FLVCR2: variants seen among roughly 807,000 people sequenced by gnomAD.
The protein encoded by FLVCR2 is choline/ethanolamine transporter FLVCR2.
In FLVCR2, 38 loss-of-function variants were observed where a neutral mutation model predicts 48.9. That is an observed-to-expected ratio of 0.78 (90% CI 0.60 to 1.02). The LOEUF (loss-of-function observed/expected upper bound fraction) is 1.02, where lower values mean the gene tolerates loss of function less well. FLVCR2 is among the 50% of genes least tolerant of loss of function. The probability of loss-of-function intolerance (pLI) is 0.00; values close to 1 mark genes in which losing one functional copy is unlikely to be tolerated. For missense variants in FLVCR2, 664 were observed against 663.3 expected, an observed-to-expected ratio of 1.00 and a Z score of -0.01; for synonymous variants, 255 against 257.0, an observed-to-expected ratio of 0.99 and a Z score of 0.07.
intron 3 of FLVCR2, among the ~76,000 whole-genome samples, chr14:75,626,105 C>T (rs911088049): frequency 4.6e-5 from 7 of 152,192 alleles, no homozygotes; most frequent in Admixed American, 6.5e-5. Flanking sequence ...AATTCTTCTG[C>T]CTCAGCCTCC....
chr14:75,626,192 A>G (rs1889896952), intron 3 of FLVCR2, among the ~76,000 whole-genome samples: 2 of 152,020 alleles, frequency 1.3e-5, no homozygotes, highest in Admixed American at 1.3e-4. Flanking sequence ...GGGTTTTGTC[A>G]TGTTGGCCAG....
At chr14:75,637,239 T>C (rs180973625) in intron 5 of FLVCR2, among the ~76,000 whole-genome samples, 1 of 152,356 alleles carries the variant, frequency 6.6e-6, no homozygotes, top group Non-Finnish European at 1.5e-5. Flanking sequence ...AGTTTCTTCA[T>C]TGGTAAAATG....
intron 4 of FLVCR2, among the ~76,000 whole-genome samples, chr14:75,634,328 C>G (rs890916778): frequency 3.3e-5 from 5 of 152,130 alleles, no homozygotes; most frequent in African/African-American, 1.2e-4. Context: ...GCCTTGTGAC[C>G]TTGGGCTAGT....
At chr14:75,634,587 G>A (rs973834654) in intron 4 of FLVCR2, among the ~76,000 whole-genome samples, 1 of 152,164 alleles carries the variant, frequency 6.6e-6, no homozygotes, top group Non-Finnish European at 1.5e-5. Context: ...CTGTGAAATG[G>A]AATTAATGAC....
chr14:75,599,497 T>C (rs1889111981), intron 1 of FLVCR2, among the ~76,000 whole-genome samples: 1 of 152,240 alleles, frequency 6.6e-6, no homozygotes, highest in Admixed American at 6.5e-5. Context: ...GTTTACGGAT[T>C]GGAAGACTTC....
At chr14:75,599,816 C>G (rs927909117) in intron 1 of FLVCR2, among the ~76,000 whole-genome samples, 1 of 152,116 alleles carries the variant, frequency 6.6e-6, no homozygotes, top group African/African-American at 2.4e-5. Flanking sequence ...TGTATGTGGT[C>G]AAATGATTTT....
intron 1 of FLVCR2, among the ~76,000 whole-genome samples, chr14:75,581,808 A>G (rs1888616270): frequency 6.6e-6 from 1 of 152,244 alleles, no homozygotes; most frequent in African/African-American, 2.4e-5. Context: ...GAGTAGTAGA[A>G]TAGCAAATGG....
At chr14:75,592,073 C>T (rs1888898690) in intron 1 of FLVCR2, among the ~76,000 whole-genome samples, 1 of 152,004 alleles carries the variant, frequency 6.6e-6, no homozygotes, top group African/African-American at 2.4e-5. Context: ...TCAAGTGATC[C>T]ACCCACCTCA....
chr14:75,610,887 C>G (rs1436345331), intron 1 of FLVCR2, among the ~76,000 whole-genome samples: 2 of 152,224 alleles, frequency 1.3e-5, no homozygotes, highest in Admixed American at 6.5e-5. Flanking sequence ...TACAATGCAG[C>G]AAACTGCTAC....
In FLVCR2 at chr14:75,646,846, G is replaced by T; in HGVS notation, c.*374G>T. On this transcript the variant is annotated 3_prime_UTR_variant, in exon 10 of 10. Transcript: ENST00000238667. ...TTTTCACAGGAAGAAAGCCTATTCA[G>T]GATATTAACTTGAAATTTCCAGTGT... is the stretch of plus-strand genomic sequence containing the variant. 3.0e-6 allele frequency: 1 copy of T among 337,360 alleles called. No individual in the cohort carries two copies. Among genetic ancestry groups the T allele is most frequent in the Middle Eastern group, 1.0e-3 (1 of 960 alleles). 20.9% of individuals were successfully genotyped at this position (337,360 alleles called of 1,614,324 possible).
At chr14:75,624,089 C>T (rs1413285607) in intron 2 of FLVCR2, among the ~76,000 whole-genome samples, 3 of 148,792 alleles carry the variant, frequency 2.0e-5, no homozygotes, top group Non-Finnish European at 3.0e-5. Flanking sequence ...AGTCCGGGTG[C>T]GGTGGCTCAC....
intron 5 of FLVCR2, among the ~76,000 whole-genome samples, chr14:75,638,256 C>A (rs759153366): frequency 2.0e-5 from 3 of 151,816 alleles, no homozygotes; most frequent in Admixed American, 1.3e-4. Context: ...GCCAACATGG[C>A]GAAACCCCAT....
intron 1 of FLVCR2, among the ~76,000 whole-genome samples, chr14:75,603,683 A>C (rs1889220220): frequency 6.6e-6 from 1 of 152,114 alleles, no homozygotes; most frequent in African/African-American, 2.4e-5. Flanking sequence ...AGTGTAACAA[A>C]CACACTCTGG....
chr14:75,597,545 G>A (rs374732096), intron 1 of FLVCR2, among the ~76,000 whole-genome samples: 3 of 151,756 alleles, frequency 2.0e-5, no homozygotes, highest in African/African-American at 4.9e-5. Context: ...TAACCAAACT[G>A]TCTAGGAAAG....
At chr14:75,589,983 A>G (rs1888843128) in intron 1 of FLVCR2, among the ~76,000 whole-genome samples, 1 of 152,200 alleles carries the variant, frequency 6.6e-6, no homozygotes, top group African/African-American at 2.4e-5. Flanking sequence ...GTGTTGCCAT[A>G]ATAATGCCCG....
At chr14:75,586,987 G>T (rs1371441287) in intron 1 of FLVCR2, among the ~76,000 whole-genome samples, 3 of 152,048 alleles carry the variant, frequency 2.0e-5, no homozygotes, top group African/African-American at 7.3e-5. Context: ...TCAGCTAGAG[G>T]ATTTATTTTC....
intron 1 of FLVCR2, among the ~76,000 whole-genome samples, chr14:75,611,927 A>T (rs760795803): frequency 2.0e-5 from 3 of 152,200 alleles, no homozygotes; most frequent in Non-Finnish European, 4.4e-5. Context: ...AGTAACATTT[A>T]AGACCAGCGC....
At chr14:75,596,736 C>G (rs1047835936) in intron 1 of FLVCR2, among the ~76,000 whole-genome samples, 1 of 151,040 alleles carries the variant, frequency 6.6e-6, no homozygotes, top group Non-Finnish European at 1.5e-5. Context: ...TTTTCATCAT[C>G]GTCAATAAAA....
chr14:75,610,998 G>T (rs943910174), intron 1 of FLVCR2, among the ~76,000 whole-genome samples: 6 of 152,216 alleles, frequency 3.9e-5, no homozygotes, highest in African/African-American at 1.4e-4. Context: ...AATATTTCCT[G>T]AGTGCTGTCT....
Sources: gnomAD v4.1 joint callset for allele counts (sites outside exome capture counted in the v4.1 genomes callset) on GRCh38, gnomAD v4.1.1 for gene constraint, MANE v1.5 for transcripts, NCBI Gene and HGNC (gene_info 2026-07-23, HGNC 2026-07-21) for gene names.